Variants in ATP2B2 observed in about 807,000 individuals in gnomAD.
ATP2B2 encodes the protein plasma membrane calcium-transporting ATPase 2.
A neutral mutation model predicts 120.0 loss-of-function variants in ATP2B2; 15 were observed. The observed-to-expected ratio is 0.12, with a 90% CI of 0.08 to 0.19. The LOEUF (loss-of-function observed/expected upper bound fraction) is 0.19. ATP2B2 is among the 10% of genes least tolerant of loss of function. The pLI is 1.00. For synonymous variants in ATP2B2, 694 were observed against 700.3 expected, an observed-to-expected ratio of 0.99 and a Z score of 0.14; for missense variants, 1,045 against 1,719.8, an observed-to-expected ratio of 0.61 and a Z score of 6.94.
chr3:10,354,281 C>T (rs182844317), intron 14 of ATP2B2, among the ~76,000 whole-genome samples: 28 of 152,212 alleles, frequency 1.8e-4, no homozygotes, highest in Admixed American at 6.5e-4. Flanking sequence ...ACTGAGGATC[C>T]GGAGATGATT....
intron 2 of ATP2B2, among the ~76,000 whole-genome samples, chr3:10,610,102 C>CAT (rs1491249543): frequency 2.3e-5 from 3 of 130,606 alleles, no homozygotes; most frequent in Non-Finnish European, 4.7e-5. Context: ...CACACACACA[C>CAT]ATATATACAC....
intron 1 of ATP2B2, among the ~76,000 whole-genome samples, chr3:10,483,859 G>A (rs947579979): frequency 6.6e-6 from 1 of 152,222 alleles, no homozygotes; most frequent in African/African-American, 2.4e-5. Context: ...AGGACTTGGG[G>A]GCCGGTGCAT....
At chr3:10,653,094 G>A (rs1380123950) in intron 1 of ATP2B2, among the ~76,000 whole-genome samples, 3 of 152,170 alleles carry the variant, frequency 2.0e-5, no homozygotes, top group Non-Finnish European at 4.4e-5. Flanking sequence ...TACATTTTAT[G>A]TTATGTGTAT....
chr3:10,432,764 C>G (rs34854), intron 2 of ATP2B2, among the ~76,000 whole-genome samples: 1 of 152,120 alleles, frequency 6.6e-6, no homozygotes, highest in East Asian at 1.9e-4. Context: ...TGTCTCTTGA[C>G]AGGGGACAAA....
intron 2 of ATP2B2, among the ~76,000 whole-genome samples, chr3:10,561,466 A>G (rs1393942895): frequency 1.3e-5 from 2 of 152,202 alleles, no homozygotes; most frequent in East Asian, 3.8e-4. Flanking sequence ...TGTGTCAGCT[A>G]GTATTATCAT....
intron 2 of ATP2B2, among the ~76,000 whole-genome samples, chr3:10,448,892 G>C (rs2063931199): frequency 6.6e-6 from 1 of 152,206 alleles, no homozygotes; most frequent in African/African-American, 2.4e-5. Context: ...GACCGGGCCT[G>C]CATGGTTGGA....
Position 10,338,311 on chromosome 3 carries a change from T to C in ATP2B2, c.3285A>G (p.Ala1095=). The change falls in exon 22 of 23, where the codon GCA becomes GCG. Residue 1095 remains alanine (A), a synonymous_variant. Transcript: ENST00000360273. The part of the protein sequence containing the change: ...PTSRLKFLKE[A]GRLTQKEEIP... ...TCTCCTCCTTCTGTGTGAGCCTGCCTGCCTCCTTGAGGAACTTGAGTCTGC... is the reference window on the plus strand; with the variant it reads ...TCTCCTCCTTCTGTGTGAGCCTGCCCGCCTCCTTGAGGAACTTGAGTCTGC... The C allele has an allele frequency of 6.2e-7, 1 of 1,614,198 alleles. No homozygotes were observed. Among genetic ancestry groups the C allele is most frequent in the South Asian group, 1.1e-5 (1 of 91,082 alleles).
At chr3:10,624,783 A>G (rs2069648922) in intron 1 of ATP2B2, among the ~76,000 whole-genome samples, 1 of 152,260 alleles carries the variant, frequency 6.6e-6, no homozygotes, top group African/African-American at 2.4e-5. Context: ...ACTATTAACT[A>G]AAGAGGAAAA....
chr3:10,444,449 C>T (rs2063769072), intron 2 of ATP2B2, among the ~76,000 whole-genome samples: 1 of 152,182 alleles, frequency 6.6e-6, no homozygotes, highest in Non-Finnish European at 1.5e-5. Context: ...GCACAAAGTA[C>T]CCGCCATCTC....
intron 1 of ATP2B2, among the ~76,000 whole-genome samples, chr3:10,651,858 G>T (rs1045611712): frequency 6.6e-6 from 1 of 152,302 alleles, no homozygotes; most frequent in African/African-American, 2.4e-5. Flanking sequence ...TTTGTCCATT[G>T]TGAGATGCAG....
chr3:10,560,725 T>C (rs973047655), intron 2 of ATP2B2, among the ~76,000 whole-genome samples: 1 of 152,160 alleles, frequency 6.6e-6, no homozygotes, highest in Non-Finnish European at 1.5e-5. Flanking sequence ...GACTGCCCCC[T>C]GTGATACACT....
intron 2 of ATP2B2, among the ~76,000 whole-genome samples, chr3:10,413,107 C>T (rs1575156766): frequency 6.6e-6 from 1 of 152,310 alleles, no homozygotes; most frequent in Admixed American, 6.5e-5. Flanking sequence ...TTCATTCATT[C>T]AGTTTGCATT....
intron 2 of ATP2B2, 133 bp downstream of exon 2, chr3:10,449,212 C>CAA: frequency 9.7e-7 from 1 of 1,035,924 alleles, no homozygotes; most frequent in Non-Finnish European, 1.4e-6. Context: ...GAATGCACTA[C>CAA]AATGGCCATT....
At chr3:10,378,542 C>T in intron 9 of ATP2B2, 132 bp from the exon 10 acceptor site, 1 of 1,237,008 alleles carries the variant, frequency 8.1e-7, no homozygotes, top group Non-Finnish European at 1.1e-6. Context: ...GGACTGAGCC[C>T]CGCATGGCTG....
intron 2 of ATP2B2, among the ~76,000 whole-genome samples, chr3:10,420,691 A>C (rs1229581118): frequency 1.3e-5 from 2 of 152,236 alleles, no homozygotes; most frequent in African/African-American, 4.8e-5. Flanking sequence ...GTGCAGCCTG[A>C]GAATAATGAT....
chr3:10,665,279 A>T (rs988262476), intron 1 of ATP2B2, among the ~76,000 whole-genome samples: 7 of 152,134 alleles, frequency 4.6e-5, no homozygotes, highest in Non-Finnish European at 1.0e-4. Flanking sequence ...CCCTTTGCAC[A>T]GGCTGAGCTC....
intron 2 of ATP2B2, among the ~76,000 whole-genome samples, chr3:10,448,210 GA>G (rs2063906274): frequency 6.6e-6 from 1 of 152,200 alleles, no homozygotes; most frequent in South Asian, 2.1e-4. Flanking sequence ...GATATCTGGG[GA>G]AGGACTTGAC....
intron 2 of ATP2B2, among the ~76,000 whole-genome samples, chr3:10,612,296 T>C (rs4684724): frequency 0.89 from 135,355 of 152,172 alleles, 60,229 homozygotes; most frequent in Middle Eastern, 0.96. Flanking sequence ...TTGTCACCTC[T>C]CCTTTCCAGA....
chr3:10,584,883 G>C (rs901713257), intron 2 of ATP2B2, among the ~76,000 whole-genome samples: 3 of 152,110 alleles, frequency 2.0e-5, no homozygotes, highest in African/African-American at 7.2e-5. Context: ...TTAGCAAATG[G>C]CCACTATCTT....
Sources: gnomAD v4.1 joint callset for allele counts (sites outside exome capture counted in the v4.1 genomes callset) on GRCh38, gnomAD v4.1.1 for gene constraint, MANE v1.5 for transcripts, NCBI Gene and HGNC (gene_info 2026-07-23, HGNC 2026-07-21) for gene names.